U2AF1: variants seen among roughly 807,000 people sequenced by gnomAD.
The protein encoded by U2AF1 is splicing factor U2AF 35 kDa subunit.
For missense variants in U2AF1, 4 were observed against 75.9 expected (o/e 0.05, Z 3.52); for synonymous variants, 8 against 27.2 (o/e 0.29, Z 2.20).
intron 3 of U2AF1, chr21:43,096,059 A>ATT: frequency 2.6e-4 from 3 of 11,546 alleles, no homozygotes; most frequent in East Asian, 6.8e-4. Flanking sequence ...CAAACTACAA[A>ATT]TTTTTTTTTT....
chr21:43,097,844 T>C lies in U2AF1; in HGVS notation c.200-2101A>G, dbSNP rs886409057. ...CCGGCCCCCTTTTTATCTTTGAAGA[T>C]AAAAAATAACTTCTTATTTTCTAAT... On this transcript the variant is annotated intron_variant, in intron 3 of 7. Transcript: ENST00000291552. 1.8e-5 allele frequency: 2 copies of C among 111,996 alleles called. 1 individual carries two copies. Among genetic ancestry groups the C allele is most frequent in the Non-Finnish European group, 3.8e-5 (2 of 52,510 alleles). 6.9% of individuals were successfully genotyped at this position (111,996 alleles called of 1,614,324 possible).
chr21:43,105,258 G>A, intron 1 of U2AF1: 1 of 75,678 alleles, frequency 1.3e-5, no homozygotes, highest in Admixed American at 1.6e-4. Context: ...GAGGGAAGCC[G>A]ATCTCTGATG....
chr21:43,107,275 G>A (rs1984845521), intron 1 of U2AF1, among the ~76,000 whole-genome samples, 176 bp downstream of exon 1: 1 of 105,994 alleles, frequency 9.4e-6, no homozygotes, highest in Non-Finnish European at 2.0e-5. Flanking sequence ...GGCCCACGAG[G>A]CGGCGGCTCC....
Position 43,105,439 on chromosome 21 carries a change from T to C in U2AF1, c.45-1037A>G, listed in dbSNP as rs1984745775. 2.1e-5 allele frequency: 2 copies of C among 97,062 alleles called. 1 individual carries two copies. Among genetic ancestry groups the C allele is most frequent in the African/African-American group, 1.1e-4 (2 of 17,584 alleles). The allele number at this position is 97,062 out of a possible 1,614,324, so 6.0% of individuals were successfully genotyped here. ...CCACTGATTTATTATCAGGTAGCAA[T>C]AAAGATGGGAAAGTCCAAATTTATC... On this transcript the variant is annotated intron_variant, in intron 1 of 7. Coordinates refer to ENST00000291552, the MANE Select transcript of U2AF1 (RefSeq NM_006758.3).
rs375324694 is a variant in U2AF1, at chr21:43,095,402, T to C, written c.348+36A>G. On this transcript the variant is annotated intron_variant, in intron 5 of 7. Transcript: ENST00000291552. Reference sequence around the variant, plus strand: ...CCTGTTGGCCTTGGCCCTGGCACACTAAGCGGCCACGCCGCCGTCTCGCCC... The same window carrying C: ...CCTGTTGGCCTTGGCCCTGGCACACCAAGCGGCCACGCCGCCGTCTCGCCC... The C allele has an allele frequency of 2.7e-4, 251 of 929,866 alleles. 66 individuals are homozygous for C. The highest frequency in any genetic ancestry group is 9.6e-4 in the South Asian group (67 of 69,752). The allele number at this position is 929,866 out of a possible 1,614,324, so 57.6% of individuals were successfully genotyped here.
At chr21:43,094,842 C>A (rs2146454944) in intron 5 of U2AF1, 54 bp from the exon 6 acceptor site, 4 of 1,016,506 alleles carry the variant, frequency 3.9e-6, no homozygotes, top group South Asian at 1.4e-5. Flanking sequence ...AAGACTTTCT[C>A]AATTACCAAT....
chr21:43,107,277 G>A lies in U2AF1; in HGVS notation c.44+174C>T, dbSNP rs1436924147. On this transcript the variant is annotated intron_variant, in intron 1 of 7. Transcript: ENST00000291552. ...TTTTCCGCCGCGCGGCCCACGAGGC[G>A]GCGGCTCCGGAGGGCGCGCAAGGGG... Among the ~76,000 whole-genome samples the A allele has an allele frequency of 1.9e-5, 2 of 105,332 alleles. 1 individual carries two copies. Among genetic ancestry groups the A allele is most frequent in the Non-Finnish European group, 4.0e-5 (2 of 50,202 alleles). 69.1% of individuals were successfully genotyped at this position (105,332 alleles called of 152,430 possible).
chr21:43,103,900 CTCCA>C (rs55687856), intron 2 of U2AF1: 21,019 of 128,906 alleles, frequency 0.16, 5,339 homozygotes, highest in Middle Eastern at 0.21. Context: ...TGGAAGGTGG[CTCCA>C]TCACCTCTAC....
intron 7 of U2AF1, 136 bp downstream of exon 7, chr21:43,094,335 A>C (rs2146451980): frequency 2.0e-6 from 1 of 501,016 alleles, no homozygotes; most frequent in Non-Finnish European, 3.7e-6. Context: ...ATATTTAAAA[A>C]TATGTACTAT....
chr21:43,097,605 T>C lies in U2AF1; in HGVS notation c.200-1862A>G, dbSNP rs1984382386. 3 of 80,162 alleles carry C rather than the reference T, an allele frequency of 3.7e-5. 1 individual carries two copies. The highest frequency in any genetic ancestry group is 1.8e-4 in the African/African-American group (3 of 16,916). The allele number at this position is 80,162 out of a possible 1,614,324, so 5.0% of individuals were successfully genotyped here. A position where few individuals can be genotyped will look rare whatever the true frequency, so the allele number is the denominator to read the frequency against. ...CTGGCACACGGGTCTTTGAGCTTGC[T>C]CAAAACTCTTTTTATCTTTTTTTTT... On this transcript the variant is annotated intron_variant, in intron 3 of 7. Transcript: ENST00000291552.
chr21:43,107,262 C>A lies in U2AF1; in HGVS notation c.44+189G>T, dbSNP rs1160153372. 1.9e-5 allele frequency among the ~76,000 whole-genome samples: 2 copies of A among 107,844 alleles called. 1 individual carries two copies. The highest frequency in any genetic ancestry group is 3.9e-5 in the Non-Finnish European group (2 of 51,202). 70.7% of individuals were successfully genotyped at this position (107,844 alleles called of 152,430 possible). A position where few individuals can be genotyped will look rare whatever the true frequency, so the allele number is the denominator to read the frequency against. ...TTCTGCCCGCTCCAGTTTTCCGCCGCGCGGCCCACGAGGCGGCGGCTCCGG... is the reference window on the plus strand; with the variant it reads ...TTCTGCCCGCTCCAGTTTTCCGCCGAGCGGCCCACGAGGCGGCGGCTCCGG... On this transcript the variant is annotated intron_variant, in intron 1 of 7. Transcript: ENST00000291552.
intron 1 of U2AF1, among the ~76,000 whole-genome samples, chr21:43,106,861 TTAGA>T (rs1033112601): frequency 5.6e-5 from 1 of 17,886 alleles, no homozygotes; most frequent in Non-Finnish European, 1.2e-4. Context: ...TCTCTTGTGG[TTAGA>T]TAGTTAATCC....
Position 43,095,428 on chromosome 21 carries a change from T to G in U2AF1, c.348+10A>C, listed in dbSNP as rs754643900. On this transcript the variant is annotated intron_variant, in intron 5 of 7. Transcript: ENST00000291552. ...AAGCGGCCACGCCGCCGTCTCGCCC[T>G]GGCTCCTACCTTGACGTACACGTTC... is the stretch of plus-strand genomic sequence containing the variant. 6.5e-6 allele frequency: 6 copies of G among 923,884 alleles called. No homozygotes were observed. Among genetic ancestry groups the G allele is most frequent in the Non-Finnish European group, 9.7e-6 (6 of 619,602 alleles). The allele number at this position is 923,884 out of a possible 1,614,324, so 57.2% of individuals were successfully genotyped here. A position where few individuals can be genotyped will look rare whatever the true frequency, so the allele number is the denominator to read the frequency against.
At position 43,107,280 on chromosome 21, in the gene U2AF1, G is replaced by A. The variant is rs946264238; in HGVS notation, c.44+171C>T. Among the ~76,000 whole-genome samples the A allele has an allele frequency of 4.8e-5, 5 of 104,884 alleles. 2 individuals carry two copies. The highest frequency in any genetic ancestry group is 2.1e-4 in the East Asian group (1 of 4,862). The allele number at this position is 104,884 out of a possible 152,430, so 68.8% of individuals were successfully genotyped here. A position where few individuals can be genotyped will look rare whatever the true frequency, so the allele number is the denominator to read the frequency against. On this transcript the variant is annotated intron_variant, in intron 1 of 7. Coordinates refer to ENST00000291552, the MANE Select transcript of U2AF1 (RefSeq NM_006758.3). ...TCCGCCGCGCGGCCCACGAGGCGGC[G>A]GCTCCGGAGGGCGCGCAAGGGGCCG...
chr21:43,107,471 G>A lies in U2AF1; in HGVS notation c.24C>T (p.Ile8=), dbSNP rs201391211. 15 of 722,592 alleles carry A rather than the reference G, an allele frequency of 2.1e-5. No homozygotes were observed. In the East Asian group the frequency reaches 4.3e-4, roughly 21 times the overall value. The allele number at this position is 722,592 out of a possible 1,614,324, so 44.8% of individuals were successfully genotyped here. A position where few individuals can be genotyped will look rare whatever the true frequency, so the allele number is the denominator to read the frequency against. The change falls in exon 1 of 8, where the codon ATC becomes ATT. Residue 8 remains isoleucine (I), a synonymous_variant. Transcript: ENST00000291552. The part of the protein sequence containing the change: MAEYLAS[I]FGTEKDKVNC... ...CTCACTTGTCTTTCTCGGTGCCGAA[G>A]ATGGAGGCCAGATACTCCGCCATTT...
At chr21:43,094,884 A>G (rs1984233005) in intron 5 of U2AF1, 96 bp from the exon 6 acceptor site, 1 of 670,068 alleles carries the variant, frequency 1.5e-6, no homozygotes, top group Non-Finnish European at 2.3e-6. Flanking sequence ...ATACACACTC[A>G]GGTATAGTAA....
rs753944000 is a variant in U2AF1 at position 43,095,410 on chromosome 21, C to T, written c.348+28G>A. 15 of 922,702 alleles carry T rather than the reference C, an allele frequency of 1.6e-5. 2 individuals carry two copies. In the East Asian group the frequency reaches 2.5e-4, roughly 16 times the overall value. 57.2% of individuals were successfully genotyped at this position (922,702 alleles called of 1,614,324 possible). The stretch of plus-strand genomic sequence containing the variant: ...CCTTGGCCCTGGCACACTAAGCGGC[C>T]ACGCCGCCGTCTCGCCCTGGCTCCT... On this transcript the variant is annotated intron_variant, in intron 5 of 7. Coordinates refer to ENST00000291552, the MANE Select transcript of U2AF1 (RefSeq NM_006758.3).
At chr21:43,099,952 TCTCA>T (rs2034443044) in intron 3 of U2AF1, 1 of 46,610 alleles carries the variant, frequency 2.1e-5, no homozygotes, top group Admixed American at 2.7e-4. Context: ...GGAGACGGAG[TCTCA>T]CTCTGTCGCC....
chr21:43,095,328 C>A lies in U2AF1; in HGVS notation c.348+110G>T, dbSNP rs1224172352. 14 of 474,612 alleles carry A rather than the reference C, an allele frequency of 2.9e-5. 4 individuals carry two copies. Among genetic ancestry groups the A allele is most frequent in the Non-Finnish European group, 5.4e-5 (14 of 260,190 alleles). 29.4% of individuals were successfully genotyped at this position (474,612 alleles called of 1,614,324 possible). A position where few individuals can be genotyped will look rare whatever the true frequency, so the allele number is the denominator to read the frequency against. On this transcript the variant is annotated intron_variant, in intron 5 of 7. Transcript: ENST00000291552. ...TGGCGACAGGCACCCCATCCTCTGT[C>A]GGCCTTGGCCCCGGCACACTAAGCG...
Sources: gnomAD v4.1 joint callset for allele counts (sites outside exome capture counted in the v4.1 genomes callset) on GRCh38, gnomAD v4.1.1 for gene constraint, MANE v1.5 for transcripts, NCBI Gene and HGNC (gene_info 2026-07-23, HGNC 2026-07-21) for gene names.